Variants in LRRC31 observed in about 807,000 individuals in gnomAD.
The protein encoded by LRRC31 is leucine rich repeat containing 31, also known as leucine-rich repeat-containing protein 31.
A neutral mutation model predicts 46.7 loss-of-function variants in LRRC31; 35 were observed. The ratio of observed to expected loss-of-function variants is 0.75; its 90% CI spans 0.57 to 0.99. LRRC31 has a LOEUF of 0.99. LRRC31 is among the 50% of genes least tolerant of loss of function. The pLI, the probability that LRRC31 is intolerant of heterozygous loss-of-function variation, is 0.00. For synonymous variants in LRRC31, 236 were observed against 235.1 expected, an observed-to-expected ratio of 1.00 and a Z score of -0.03; for missense variants, 613 against 626.1, an observed-to-expected ratio of 0.98 and a Z score of 0.22.
chr3:169,847,985 T>C (rs557681283), intron 8 of LRRC31, 135 bp downstream of exon 8: 1 of 761,152 alleles, frequency 1.3e-6, no homozygotes, highest in South Asian at 2.1e-5. Flanking sequence ...TCGGCAGATG[T>C]TGGTGAGAAG....
In LRRC31 at chr3:169,869,773, CCTT is replaced by C; in HGVS notation, c.32_34del (p.Glu11del). The C allele has an allele frequency of 6.2e-7, 1 of 1,612,786 alleles. No individual in the cohort carries two copies. Among genetic ancestry groups the C allele is most frequent in the Non-Finnish European group, 8.5e-7 (1 of 1,179,654 alleles). ...AGTTGAAGTCTGGGGCTTAGTTTCT[CCTT>C]CTGAGGAAGTTTTCTTCCTTGTTTG... is the stretch of plus-strand genomic sequence containing the variant. On this transcript the variant is annotated inframe_deletion, in exon 1 of 9. Transcript: ENST00000316428.
intron 1 of LRRC31, among the ~76,000 whole-genome samples, chr3:169,866,398 A>G (rs1560635723): frequency 6.6e-6 from 1 of 152,224 alleles, no homozygotes; most frequent in Non-Finnish European, 1.5e-5. Context: ...GTTGCACAGC[A>G]GGGATGACCC....
chr3:169,840,011 T>C lies in LRRC31; in HGVS notation c.1630A>G (p.Ile544Val). 6.2e-7 allele frequency: 1 copy of C among 1,613,390 alleles called. No homozygotes were observed. Among genetic ancestry groups the C allele is most frequent in the Non-Finnish European group, 8.5e-7 (1 of 1,179,738 alleles). ...ECFDQDKKRS[I>V]HFDHGGFQ is the part of the protein sequence containing the mutation. ...TGAAACCCACCATGGTCAAAGTGAATGCTTCTTTTTTTATCTTGGTCAAAG... is the reference window on the plus strand; with the variant it reads ...TGAAACCCACCATGGTCAAAGTGAACGCTTCTTTTTTTATCTTGGTCAAAG... The change falls in exon 9 of 9, where the codon ATT becomes GTT. Residue 544 changes from isoleucine to valine, a missense_variant. Transcript: ENST00000316428.
chr3:169,868,959 A>T (rs549227852), intron 1 of LRRC31, among the ~76,000 whole-genome samples: 1 of 152,194 alleles, frequency 6.6e-6, no homozygotes, highest in East Asian at 1.9e-4. Context: ...AATAGAATAT[A>T]TAAGATCTAC....
intron 1 of LRRC31, among the ~76,000 whole-genome samples, chr3:169,863,507 T>C (rs981021580): frequency 6.6e-6 from 1 of 152,218 alleles, no homozygotes; most frequent in African/African-American, 2.4e-5. Context: ...ACACCTGTAA[T>C]CCACAGCAGT....
chr3:169,839,896 G>A lies in LRRC31; in HGVS notation c.*86C>T. 1 of 1,010,880 alleles carries A rather than the reference G, an allele frequency of 9.9e-7. No individual in the cohort carries two copies. Among genetic ancestry groups the A allele is most frequent in the Non-Finnish European group, 1.5e-6 (1 of 689,100 alleles). 62.6% of individuals were successfully genotyped at this position (1,010,880 alleles called of 1,614,324 possible). On this transcript the variant is annotated 3_prime_UTR_variant, in exon 9 of 9. Transcript: ENST00000316428. ...AGTCCCATTAAATGGCCCAGAAGTT[G>A]AAATTCAGTTCATGACTCTGGAATT...
chr3:169,869,186 T>A (rs1256541957), intron 1 of LRRC31, among the ~76,000 whole-genome samples: 4 of 151,656 alleles, frequency 2.6e-5, no homozygotes, highest in Admixed American at 1.3e-4. Flanking sequence ...CCCTGGCCAA[T>A]GCAGTGAAAC....
chr3:169,843,643 G>A (rs776462434), intron 8 of LRRC31, among the ~76,000 whole-genome samples: 18 of 152,162 alleles, frequency 1.2e-4, no homozygotes, highest in Non-Finnish European at 2.6e-4. Flanking sequence ...AAAAAGAACT[G>A]TGAACAAATA....
At chr3:169,861,241 G>C (rs934467279) in intron 2 of LRRC31, among the ~76,000 whole-genome samples, 3 of 151,106 alleles carry the variant, frequency 2.0e-5, no homozygotes, top group African/African-American at 7.3e-5. Flanking sequence ...GCTAACTTTT[G>C]TATTTTTAGT....
intron 3 of LRRC31, among the ~76,000 whole-genome samples, chr3:169,860,159 AAAAT>A (rs773477526): frequency 6.6e-6 from 1 of 151,866 alleles, no homozygotes; most frequent in Admixed American, 6.6e-5. Context: ...AATAAAAATA[AAAAT>A]AAATAAATAA....
chr3:169,839,955 T>C lies in LRRC31; in HGVS notation c.*27A>G, dbSNP rs1346134842. 5.1e-6 allele frequency: 8 copies of C among 1,553,722 alleles called. No homozygotes were observed. In the East Asian group the frequency reaches 1.1e-4, roughly 22 times the overall value. Reference sequence around the variant, plus strand: ...TTCTTTTCCTTTGGAGAATGGTTTGTAGCTTAGTAGGACATGGGAAATCAG... The same window carrying C: ...TTCTTTTCCTTTGGAGAATGGTTTGCAGCTTAGTAGGACATGGGAAATCAG... On this transcript the variant is annotated 3_prime_UTR_variant, in exon 9 of 9. Coordinates refer to ENST00000316428, the MANE Select transcript of LRRC31 (RefSeq NM_024727.4).
At chr3:169,856,958 T>C in intron 3 of LRRC31, 86 bp from the exon 4 acceptor site, 1 of 1,338,240 alleles carries the variant, frequency 7.5e-7, no homozygotes, top group Non-Finnish European at 1.0e-6. Flanking sequence ...CCATGATTAA[T>C]GGAGTGTGGA....
chr3:169,839,664 T>C lies in LRRC31; in HGVS notation c.*318A>G, dbSNP rs1780386138. On this transcript the variant is annotated 3_prime_UTR_variant, in exon 9 of 9. Coordinates refer to ENST00000316428, the MANE Select transcript of LRRC31 (RefSeq NM_024727.4). ...TTTGGCAAGGCTTCTAAACAGCAAATGAACTAATTATATATCCAAAACAAA... is the reference window on the plus strand; with the variant it reads ...TTTGGCAAGGCTTCTAAACAGCAAACGAACTAATTATATATCCAAAACAAA... 6.6e-6 allele frequency: 1 copy of C among 151,926 alleles called. No homozygotes were observed. Among genetic ancestry groups the C allele is most frequent in the South Asian group, 2.1e-4 (1 of 4,828 alleles). 9.4% of individuals were successfully genotyped at this position (151,926 alleles called of 1,614,324 possible).
chr3:169,863,609 G>A (rs1286579028), intron 1 of LRRC31, among the ~76,000 whole-genome samples: 1 of 152,210 alleles, frequency 6.6e-6, no homozygotes, highest in Non-Finnish European at 1.5e-5. Context: ...CCAGTAGGAG[G>A]CAGCAGCATC....
intron 1 of LRRC31, among the ~76,000 whole-genome samples, chr3:169,864,529 C>A (rs1014889204): frequency 6.6e-6 from 1 of 152,206 alleles, no homozygotes; most frequent in African/African-American, 2.4e-5. Flanking sequence ...TTCTCAAGAG[C>A]ATCGTGATTT....
chr3:169,868,319 G>A (rs1390802686), intron 1 of LRRC31, among the ~76,000 whole-genome samples: 1 of 151,984 alleles, frequency 6.6e-6, no homozygotes, highest in East Asian at 1.9e-4. Context: ...TACCTAAGTG[G>A]CTCGCTTTAT....
chr3:169,864,526 G>A (rs1004847211), intron 1 of LRRC31, among the ~76,000 whole-genome samples: 1 of 152,204 alleles, frequency 6.6e-6, no homozygotes, highest in Non-Finnish European at 1.5e-5. Flanking sequence ...CATTTCTCAA[G>A]AGCATCGTGA....
intron 1 of LRRC31, among the ~76,000 whole-genome samples, chr3:169,867,038 G>T (rs1344256475): frequency 1.6e-5 from 2 of 126,314 alleles, no homozygotes; most frequent in Admixed American, 7.2e-5. Context: ...TTGGCCATGG[G>T]TTTTTTTTGT....
At chr3:169,847,013 T>A (rs1288259166) in intron 8 of LRRC31, among the ~76,000 whole-genome samples, 3 of 152,094 alleles carry the variant, frequency 2.0e-5, no homozygotes, top group Non-Finnish European at 4.4e-5. Flanking sequence ...CAGATACAAC[T>A]ACCTGGAGTG....
Sources: allele counts gnomAD v4.1 joint callset (sites outside exome capture counted in the v4.1 genomes callset), GRCh38; gene constraint gnomAD v4.1.1; transcripts MANE v1.5; gene names NCBI Gene and HGNC (gene_info 2026-07-23, HGNC 2026-07-21).